Variants in DEPTOR observed in about 807,000 individuals in gnomAD.
DEPTOR encodes the protein DEP domain containing MTOR interacting protein, also known as DEP domain-containing mTOR-interacting protein.
DEPTOR carries 41 observed loss-of-function variants against 41.6 expected under a neutral mutation model. That is an observed-to-expected ratio of 0.98 (90% confidence interval 0.77 to 1.28). The LOEUF (loss-of-function observed/expected upper bound fraction) is 1.28. Among genes scored for constraint, DEPTOR ranks in the 50% most tolerant of loss-of-function variants. The pLI is 0.00. For missense variants in DEPTOR, 514 were observed against 527.9 expected (o/e 0.97, Z 0.26); for synonymous variants, 195 against 192.3 (o/e 1.01, Z -0.12).
At chr8:119,874,162 C>T (rs1827202508) in intron 1 of DEPTOR, 194 bp downstream of exon 1, 2 of 851,474 alleles carry the variant, frequency 2.3e-6, no homozygotes. Context: ...GACTCGCTCG[C>T]CAAGCGGGGC....
intron 4 of DEPTOR, among the ~76,000 whole-genome samples, chr8:119,984,500 T>C (rs1828805698): frequency 6.6e-6 from 1 of 152,238 alleles, no homozygotes; most frequent in East Asian, 1.9e-4. Flanking sequence ...CTCCCACTTA[T>C]GGGTGAGAAC....
At chr8:120,011,576 C>T (rs1586657132) in intron 8 of DEPTOR, among the ~76,000 whole-genome samples, 1 of 152,274 alleles carries the variant, frequency 6.6e-6, no homozygotes, top group East Asian at 1.9e-4. Context: ...TGAGTGTGCA[C>T]TCACTCGCAT....
intron 8 of DEPTOR, among the ~76,000 whole-genome samples, chr8:120,015,465 G>A (rs903542856): frequency 6.6e-6 from 1 of 152,202 alleles, no homozygotes; most frequent in Non-Finnish European, 1.5e-5. Flanking sequence ...AGATGAAGGT[G>A]CTGGCAGGCC....
At chr8:119,904,472 T>G (rs963848252) in intron 1 of DEPTOR, among the ~76,000 whole-genome samples, 1 of 151,978 alleles carries the variant, frequency 6.6e-6, no homozygotes, top group African/African-American at 2.4e-5. Context: ...GGATACATTT[T>G]TTAAAAAATT....
chr8:119,955,646 G>A (rs1444442862), intron 3 of DEPTOR, among the ~76,000 whole-genome samples: 1 of 151,738 alleles, frequency 6.6e-6, no homozygotes, highest in African/African-American at 2.4e-5. Context: ...TTGTATTTTG[G>A]GTAGAGACGG....
chr8:120,005,102 G>A (rs764054021), intron 6 of DEPTOR, among the ~76,000 whole-genome samples: 8 of 152,060 alleles, frequency 5.3e-5, no homozygotes, highest in Non-Finnish European at 8.8e-5. Flanking sequence ...AAAATGAATG[G>A]TCAGCTCTGC....
At chr8:119,917,067 G>C (rs1827823834) in intron 1 of DEPTOR, among the ~76,000 whole-genome samples, 1 of 152,204 alleles carries the variant, frequency 6.6e-6, no homozygotes, top group Non-Finnish European at 1.5e-5. Flanking sequence ...ATGGTGTGGG[G>C]CCTCATTTAT....
At chr8:119,876,660 G>C (rs7007320) in intron 1 of DEPTOR, among the ~76,000 whole-genome samples, 131,803 of 151,328 alleles carry the variant, frequency 0.87, 57,564 homozygotes, top group East Asian at 0.97. Flanking sequence ...AGAAGAAGAA[G>C]GATGGGTAAT....
chr8:119,918,750 C>G (rs946460826), intron 1 of DEPTOR, among the ~76,000 whole-genome samples: 5 of 152,038 alleles, frequency 3.3e-5, no homozygotes, highest in African/African-American at 4.8e-5. Flanking sequence ...TGTGCCACCG[C>G]GCCCAGCCTA....
intron 1 of DEPTOR, among the ~76,000 whole-genome samples, chr8:119,928,009 T>C (rs929623386): frequency 7.9e-5 from 12 of 152,270 alleles, no homozygotes; most frequent in Admixed American, 5.2e-4. Flanking sequence ...CCCTGAACAA[T>C]TTGTGATAAA....
At position 120,026,185 on chromosome 8, in the gene DEPTOR, G is replaced by A. The variant is rs76756596; in HGVS notation, c.1101+17052G>A. Among the ~76,000 whole-genome samples, 507 of 151,618 alleles carry A rather than the reference G, an allele frequency of 3.3e-3. 5 individuals are homozygous for A. The highest frequency in any genetic ancestry group is 0.012 in the African/African-American group (485 of 41,352). Reference sequence around the variant, plus strand: ...GTGTTTTTAATATAGACGGGGTTTCGCCATGTTGGTCTGTAGCAGTGTAGA... The same window carrying A: ...GTGTTTTTAATATAGACGGGGTTTCACCATGTTGGTCTGTAGCAGTGTAGA... On this transcript the variant is annotated intron_variant, in intron 8 of 8. Coordinates refer to ENST00000286234, the MANE Select transcript of DEPTOR (RefSeq NM_022783.4).
chr8:119,912,232 T>C lies in DEPTOR; in HGVS notation c.123-16168T>C, dbSNP rs116657172. Among the ~76,000 whole-genome samples, 893 of 152,134 alleles carry C rather than the reference T, an allele frequency of 5.9e-3. 10 individuals are homozygous for C. The highest frequency in any genetic ancestry group is 0.02 in the African/African-American group (828 of 41,508). On this transcript the variant is annotated intron_variant, in intron 1 of 8. Coordinates refer to ENST00000286234, the MANE Select transcript of DEPTOR (RefSeq NM_022783.4). Reference sequence around the variant, plus strand: ...GCAGAAAGGAAGGATTGGGCTAAAATTGGAAGAGGAAAATAATGTTGGATA... The same window carrying C: ...GCAGAAAGGAAGGATTGGGCTAAAACTGGAAGAGGAAAATAATGTTGGATA...
intron 4 of DEPTOR, among the ~76,000 whole-genome samples, chr8:119,998,176 C>T (rs540802979): frequency 6.6e-6 from 1 of 152,322 alleles, no homozygotes; most frequent in Non-Finnish European, 1.5e-5. Context: ...GCAACCTCCA[C>T]CTCCCAGGCT....
intron 4 of DEPTOR, 97 bp from the exon 5 acceptor site, chr8:120,001,428 A>G: frequency 9.0e-7 from 1 of 1,112,006 alleles, no homozygotes; most frequent in African/African-American, 1.6e-5. Flanking sequence ...GTCTTTCTTG[A>G]GACTTTTGCC....
intron 1 of DEPTOR, among the ~76,000 whole-genome samples, chr8:119,887,440 CCCT>C (rs1395670593): frequency 3.2e-4 from 1 of 3,158 alleles, no homozygotes; most frequent in Non-Finnish European, 7.8e-4. Context: ...TCCCCCTCCC[CCCT>C]CCCCTCCCGT....
At position 120,018,240 on chromosome 8, in the gene DEPTOR, T is replaced by A. The variant is rs185717963; in HGVS notation, c.1101+9107T>A. On this transcript the variant is annotated intron_variant, in intron 8 of 8. Transcript: ENST00000286234. ...ACAAATGAGAAAATGCCTTCTGTGA[T>A]TTTTTTTTCCCTAAGACATAGATCC... Among the ~76,000 whole-genome samples, 30 of 151,828 alleles carry A rather than the reference T, an allele frequency of 2.0e-4. No individual in the cohort carries two copies. The East Asian group carries it at 5.6e-3, about 28-fold the overall frequency.
At position 120,001,722 on chromosome 8, in the gene DEPTOR, C is replaced by T. The variant is rs760192945; in HGVS notation, c.790+12C>T. ...CAGCTTTATGTCAGGTATGCCATCCCGGCATTTATTGGAGCTCAAGTGTTT... is the reference window on the plus strand; with the variant it reads ...CAGCTTTATGTCAGGTATGCCATCCTGGCATTTATTGGAGCTCAAGTGTTT... On this transcript the variant is annotated intron_variant, in intron 5 of 8. Coordinates refer to ENST00000286234, the MANE Select transcript of DEPTOR (RefSeq NM_022783.4). 1.0e-4 allele frequency: 163 copies of T among 1,602,912 alleles called. 1 individual carries two copies. Among genetic ancestry groups the T allele is most frequent in the Middle Eastern group, 1.7e-4 (1 of 6,016 alleles).
chr8:120,000,873 T>A (rs1248453327), intron 4 of DEPTOR, among the ~76,000 whole-genome samples: 1 of 149,796 alleles, frequency 6.7e-6, no homozygotes, highest in Non-Finnish European at 1.5e-5. Context: ...AGGTCAGGAG[T>A]TCGAGACCAG....
intron 3 of DEPTOR, among the ~76,000 whole-genome samples, chr8:119,944,691 T>C (rs1413642113): frequency 2.7e-5 from 4 of 150,484 alleles, no homozygotes; most frequent in South Asian, 2.1e-4. Context: ...AGTCTTGCTG[T>C]TTCACCAGGC....
Sources: gnomAD v4.1 joint callset for allele counts (sites outside exome capture counted in the v4.1 genomes callset) on GRCh38, gnomAD v4.1.1 for gene constraint, MANE v1.5 for transcripts, NCBI Gene and HGNC (gene_info 2026-07-23, HGNC 2026-07-21) for gene names.